Variants in VWA8 observed in about 807,000 individuals in gnomAD.
VWA8 encodes von Willebrand factor A domain-containing protein 8.
In VWA8, 221 loss-of-function variants were observed where a neutral mutation model predicts 241.5. The ratio of observed to expected loss-of-function variants is 0.91; its 90% CI spans 0.82 to 1.02. VWA8 has a LOEUF of 1.02. Ranked by LOEUF, VWA8 falls within the 50% of genes least tolerant of loss-of-function variation. The pLI is 0.00. For missense variants in VWA8, 2,322 were observed against 2,328.7 expected (o/e 1.00, Z 0.06); for synonymous variants, 852 against 827.1 (o/e 1.03, Z -0.52).
chr13:41,573,960 A>G (rs148845871), intron 43 of VWA8, among the ~76,000 whole-genome samples: 2,887 of 152,294 alleles, frequency 0.019, 41 homozygotes, highest in Non-Finnish European at 0.029. Context: ...AATAACTAAA[A>G]GAGTTCAACT....
intron 37 of VWA8, among the ~76,000 whole-genome samples, chr13:41,615,644 C>A (rs193083391): frequency 6.6e-6 from 1 of 151,816 alleles, no homozygotes; most frequent in East Asian, 1.9e-4. Context: ...TTTTTTTGAC[C>A]CACTTCAATT....
At chr13:41,568,561 AG>A (rs2139627727) in intron 44 of VWA8, among the ~76,000 whole-genome samples, 1 of 152,352 alleles carries the variant, frequency 6.6e-6, no homozygotes, top group South Asian at 2.1e-4. Flanking sequence ...GAATTTGAAA[AG>A]AAAAAATTTT....
chr13:41,722,885 A>G (rs2045404016), intron 24 of VWA8, among the ~76,000 whole-genome samples: 1 of 152,158 alleles, frequency 6.6e-6, no homozygotes, highest in Non-Finnish European at 1.5e-5. Flanking sequence ...AGCACCAAGC[A>G]GTACAGGACA....
At chr13:41,849,730 T>C (rs1450461495) in intron 12 of VWA8, among the ~76,000 whole-genome samples, 2 of 151,746 alleles carry the variant, frequency 1.3e-5, no homozygotes, top group African/African-American at 4.8e-5. Context: ...CTACTAAAAA[T>C]ACAAAAAGTG....
Position 41,712,655 on chromosome 13 carries a change from A to T in VWA8, c.3116+6936T>A, listed in dbSNP as rs144945284. Among the ~76,000 whole-genome samples the T allele has an allele frequency of 7.0e-4, 106 of 152,330 alleles. 2 individuals are homozygous for T. In the East Asian group the frequency reaches 0.014, roughly 21 times the overall value. ...CCCATGAAAACAGTTGACTAAACAT[A>T]AAGATGATGTTTGGAATCAGAGAGA... On this transcript the variant is annotated intron_variant, in intron 26 of 44. Coordinates refer to ENST00000379310, the MANE Select transcript of VWA8 (RefSeq NM_015058.2).
At chr13:41,602,060 T>C (rs967956875) in intron 40 of VWA8, among the ~76,000 whole-genome samples, 2 of 152,096 alleles carry the variant, frequency 1.3e-5, no homozygotes, top group Non-Finnish European at 1.5e-5. Context: ...CAAAGGTTCC[T>C]TGCTTTGTTT....
At chr13:41,793,817 A>G (rs909794982) in intron 17 of VWA8, among the ~76,000 whole-genome samples, 2 of 152,226 alleles carry the variant, frequency 1.3e-5, no homozygotes, top group African/African-American at 4.8e-5. Flanking sequence ...TCCATCTCAA[A>G]AAAAATAAAT....
At chr13:41,777,947 A>AT in intron 20 of VWA8, 38 bp downstream of exon 20, 1 of 1,531,336 alleles carries the variant, frequency 6.5e-7, no homozygotes, top group Non-Finnish European at 8.9e-7. Context: ...TGTTACTATC[A>AT]TTTTTTCATT....
chr13:41,581,808 CT>C (rs1296640044), intron 42 of VWA8, among the ~76,000 whole-genome samples: 1 of 151,582 alleles, frequency 6.6e-6, no homozygotes, highest in Non-Finnish European at 1.5e-5. Flanking sequence ...TTATTGAGTA[CT>C]TTGAAAAAAA....
chr13:41,714,022 T>TAAC (rs2045333947), intron 26 of VWA8, among the ~76,000 whole-genome samples: 1 of 152,030 alleles, frequency 6.6e-6, no homozygotes, highest in South Asian at 2.1e-4. Flanking sequence ...GTGCATGAAA[T>TAAC]AACACATACA....
At chr13:41,653,585 A>C (rs2139689534) in intron 37 of VWA8, among the ~76,000 whole-genome samples, 1 of 152,344 alleles carries the variant, frequency 6.6e-6, no homozygotes, top group Non-Finnish European at 1.5e-5. Flanking sequence ...GAACCAAAAA[A>C]AGAGCCTGAA....
At chr13:41,944,725 C>A (rs1175688678) in intron 2 of VWA8, among the ~76,000 whole-genome samples, 4 of 152,188 alleles carry the variant, frequency 2.6e-5, no homozygotes, top group African/African-American at 9.7e-5. Flanking sequence ...CCCTACTTGA[C>A]CTGTCTGGCA....
chr13:41,655,181 C>A (rs1278453419), intron 37 of VWA8, among the ~76,000 whole-genome samples: 1 of 152,068 alleles, frequency 6.6e-6, no homozygotes, highest in African/African-American at 2.4e-5. Flanking sequence ...CCTCCGCCCC[C>A]TGGGTTCAAG....
chr13:41,747,616 C>T (rs1250630863), intron 21 of VWA8, among the ~76,000 whole-genome samples: 1 of 152,122 alleles, frequency 6.6e-6, no homozygotes, highest in Non-Finnish European at 1.5e-5. Context: ...ATTGCCCTGG[C>T]CAGAACTTCC....
At position 41,705,254 on chromosome 13, in the gene VWA8, T is replaced by TA. The variant is rs901191771; in HGVS notation, c.3117-1844dup. On this transcript the variant is annotated intron_variant, in intron 26 of 44. Transcript: ENST00000379310. ...CAATTATCTCAATCGGGGACCCACT[T>TA]ACTTCCATCTTTTTACCAGGAAAGA... Among the ~76,000 whole-genome samples, 8 of 151,242 alleles carry TA rather than the reference T, an allele frequency of 5.3e-5. No homozygotes were observed. In the East Asian group the frequency reaches 5.8e-4, roughly 11 times the overall value.
chr13:41,576,209 G>A (rs930498941), intron 42 of VWA8, among the ~76,000 whole-genome samples: 2 of 152,216 alleles, frequency 1.3e-5, no homozygotes, highest in Admixed American at 1.3e-4. Context: ...TTAAAATGGT[G>A]AGTTATTTGA....
chr13:41,859,933 C>A (rs914029965), intron 12 of VWA8, among the ~76,000 whole-genome samples: 1 of 152,200 alleles, frequency 6.6e-6, no homozygotes, highest in African/African-American at 2.4e-5. Context: ...CTTTTTCCCA[C>A]TAAATTCTCT....
Position 41,615,033 on chromosome 13 carries a change from TC to T in VWA8, c.4662del (p.Lys1555ArgfsTer73). 5.0e-6 allele frequency: 8 copies of T among 1,613,958 alleles called. No homozygotes were observed. Among genetic ancestry groups the T allele is most frequent in the Non-Finnish European group, 6.8e-6 (8 of 1,179,960 alleles). Reference protein sequence around the residue: ...SGEDVSSPKHGKEDPDNMPHV... With the variant: ...SGEDVSSPKHXKEDPDNMPHV... ...TGAGGCATGTTGTCTGGGTCCTCCT[TC>T]CCGTGTTTGGGGGAGCTTACATCTT... On this transcript the variant is annotated frameshift_variant, in exon 38 of 45. Coordinates refer to ENST00000379310, the MANE Select transcript of VWA8 (RefSeq NM_015058.2). LOFTEE classifies it high-confidence loss of function.
intron 2 of VWA8, chr13:41,925,780 G>A (rs929019662): frequency 4.2e-6 from 1 of 237,580 alleles, no homozygotes; most frequent in South Asian, 6.6e-5. Flanking sequence ...ACCACTGACA[G>A]TGGTGTGGGT....
Sources: gnomAD v4.1 joint callset for allele counts (sites outside exome capture counted in the v4.1 genomes callset) on GRCh38, gnomAD v4.1.1 for gene constraint, MANE v1.5 for transcripts, NCBI Gene and HGNC (gene_info 2026-07-23, HGNC 2026-07-21) for gene names.